Variants in WDFY3 observed in about 807,000 individuals in gnomAD.
The protein encoded by WDFY3 is WD repeat and FYVE domain-containing protein 3.
A neutral mutation model predicts 409.6 loss-of-function variants in WDFY3; 66 were observed. The observed-to-expected ratio is 0.16, with a 90% CI of 0.13 to 0.20. WDFY3 has a LOEUF of 0.20. Ranked by LOEUF, WDFY3 falls within the 10% of genes least tolerant of loss-of-function variation. The pLI is 1.00. For missense variants in WDFY3, 3,031 were observed against 4,298.1 expected (o/e 0.71, Z 8.24); for synonymous variants, 1,521 against 1,537.1 (o/e 0.99, Z 0.25).
intron 32 of WDFY3, 49 bp downstream of exon 32, chr4:84,765,756 TAAAAC>T (rs2149389461): frequency 6.6e-7 from 1 of 1,515,344 alleles, no homozygotes; most frequent in Non-Finnish European, 9.1e-7. Flanking sequence ...AAATTTAAAA[TAAAAC>T]AAAACACACC....
At chr4:84,694,281 A>T (rs1207740136) in intron 58 of WDFY3, among the ~76,000 whole-genome samples, 1 of 152,212 alleles carries the variant, frequency 6.6e-6, no homozygotes, top group African/African-American at 2.4e-5. Flanking sequence ...CTAAGGAGAG[A>T]GCACTGCGCC....
intron 8 of WDFY3, among the ~76,000 whole-genome samples, chr4:84,830,441 G>A (rs78988725): frequency 1.3e-5 from 2 of 152,082 alleles, no homozygotes; most frequent in Admixed American, 6.5e-5. Flanking sequence ...CTACTTTCAG[G>A]GTAGGCTAGG....
chr4:84,716,553 T>C (rs552380285), intron 49 of WDFY3, among the ~76,000 whole-genome samples: 24 of 151,566 alleles, frequency 1.6e-4, no homozygotes, highest in African/African-American at 5.8e-4. Flanking sequence ...TCCCAGCACT[T>C]TGGGAGGCCA....
intron 3 of WDFY3, among the ~76,000 whole-genome samples, chr4:84,863,185 G>T (rs1250370956): frequency 2.0e-5 from 3 of 152,160 alleles, no homozygotes; most frequent in Non-Finnish European, 4.4e-5. Flanking sequence ...AACAAACATG[G>T]GAGTGCAGGC....
At chr4:84,828,900 G>GT in intron 9 of WDFY3, 104 bp downstream of exon 9, 2 of 1,189,900 alleles carry the variant, frequency 1.7e-6, no homozygotes, top group Non-Finnish European at 2.3e-6. Context: ...TTAAATAAGT[G>GT]TTTCCTTAAT....
rs749745039 is a variant in WDFY3 at position 84,818,654 on chromosome 4, C to T, written c.1694-1069G>A. ...GTGACATCCTTTCATTACCTGAAGG[C>T]CTGTTTAGTTACCTCCTGGTTGTCA... On this transcript the variant is annotated intron_variant, in intron 12 of 67. Transcript: ENST00000295888. Among the ~76,000 whole-genome samples the T allele has an allele frequency of 3.9e-5, 6 of 152,158 alleles. No homozygotes were observed. The East Asian group carries it at 1.2e-3, about 29-fold the overall frequency.
intron 13 of WDFY3, 77 bp downstream of exon 13, chr4:84,817,315 T>C (rs749620008): frequency 2.1e-5 from 32 of 1,552,246 alleles, no homozygotes; most frequent in Non-Finnish European, 2.5e-5. Context: ...TCCCTGTCTC[T>C]AACTTAAATA....
At position 84,672,090 on chromosome 4, in the gene WDFY3, C is replaced by T. The variant is rs1195498885; in HGVS notation, c.*778G>A. The T allele has an allele frequency of 3.9e-5, 6 of 152,306 alleles. No individual in the cohort carries two copies. The highest frequency in any genetic ancestry group is 1.9e-4 in the East Asian group (1 of 5,192). 9.4% of individuals were successfully genotyped at this position (152,306 alleles called of 1,614,324 possible). A position where few individuals can be genotyped will look rare whatever the true frequency, so the allele number is the denominator to read the frequency against. Reference sequence around the variant, plus strand: ...ATGTAGGAACAACACTGAGGTGGTGCGTAGCCAGGTACAAGACGCCCAAAT... The same window carrying T: ...ATGTAGGAACAACACTGAGGTGGTGTGTAGCCAGGTACAAGACGCCCAAAT... On this transcript the variant is annotated 3_prime_UTR_variant, in exon 68 of 68. Transcript: ENST00000295888.
intron 4 of WDFY3, among the ~76,000 whole-genome samples, chr4:84,857,279 T>C (rs1019404435): frequency 6.6e-6 from 1 of 152,164 alleles, no homozygotes; most frequent in African/African-American, 2.4e-5. Context: ...AGAGAATAAT[T>C]ACTAAAGCAT....
chr4:84,856,901 C>A (rs1304703287), intron 4 of WDFY3, among the ~76,000 whole-genome samples: 2 of 151,948 alleles, frequency 1.3e-5, no homozygotes, highest in African/African-American at 4.8e-5. Context: ...CACTAGTGGA[C>A]AATGTTCAAG....
At chr4:84,797,377 C>T (rs1221073896) in intron 18 of WDFY3, among the ~76,000 whole-genome samples, 26 of 152,030 alleles carry the variant, frequency 1.7e-4, no homozygotes, top group Non-Finnish European at 1.5e-5. Flanking sequence ...TCTCCAGGGA[C>T]ACATTACAAA....
intron 1 of WDFY3, among the ~76,000 whole-genome samples, chr4:84,942,557 T>C (rs755599190): frequency 2.6e-5 from 4 of 152,202 alleles, no homozygotes; most frequent in Non-Finnish European, 5.9e-5. Context: ...TAGATCCTAA[T>C]GAATATGTTT....
intron 2 of WDFY3, among the ~76,000 whole-genome samples, chr4:84,914,536 C>T (rs1428535441): frequency 2.6e-5 from 4 of 152,128 alleles, no homozygotes; most frequent in Admixed American, 2.6e-4. Context: ...TCCCTAAGCC[C>T]TGAGTTGCTC....
In WDFY3 at chr4:84,718,458, G is replaced by C; in HGVS notation, c.7718C>G (p.Thr2573Ser). The C allele has an allele frequency of 6.2e-7, 1 of 1,613,496 alleles. No individual in the cohort carries two copies. The highest frequency in any genetic ancestry group is 8.5e-7 in the Non-Finnish European group (1 of 1,179,716). ...YVIDGFTMTATREIRDIETLP... is the reference protein window; with the variant it reads ...YVIDGFTMTASREIRDIETLP... Reference sequence around the variant, plus strand: ...GGTTTCAATATCTCTTATTTCCCTGGTTGCTGTCATGGTAAATCCATCAAT... The same window carrying C: ...GGTTTCAATATCTCTTATTTCCCTGCTTGCTGTCATGGTAAATCCATCAAT... Residue 2573 changes from threonine to serine, a missense_variant, in exon 48 of 68, where the codon ACC (threonine) becomes AGC (serine). Physicochemically the swap from Thr to Ser is moderately conservative, Grantham distance 58. Coordinates refer to ENST00000295888, the MANE Select transcript of WDFY3 (RefSeq NM_014991.6).
Position 84,946,776 on chromosome 4 carries a change from T to G in WDFY3, c.-225-14413A>C, listed in dbSNP as rs188527723. ...CCTGGCTCTAGTACAGACAGACACC[T>G]GATCTGAACGAGGTTAATTTAATCC... is the stretch of plus-strand genomic sequence containing the variant. On this transcript the variant is annotated intron_variant, in intron 1 of 67. Coordinates refer to ENST00000295888, the MANE Select transcript of WDFY3 (RefSeq NM_014991.6). 7.2e-4 allele frequency among the ~76,000 whole-genome samples: 110 copies of G among 152,182 alleles called. No homozygotes were observed. The Middle Eastern group carries it at 0.027, about 38-fold the overall frequency.
chr4:84,699,270 T>TTAC (rs1730682532), intron 56 of WDFY3, among the ~76,000 whole-genome samples: 1 of 152,218 alleles, frequency 6.6e-6, no homozygotes, highest in Non-Finnish European at 1.5e-5. Flanking sequence ...CTCTGTGGAC[T>TTAC]TACCTATTCT....
chr4:84,688,357 G>A (rs1212446155), intron 61 of WDFY3, 92 bp from the exon 62 acceptor site: 1 of 1,287,514 alleles, frequency 7.8e-7, no homozygotes, highest in Non-Finnish European at 1.1e-6. Context: ...TCAGGAAGCA[G>A]TGGCACGCAT....
At position 84,849,951 on chromosome 4, in the gene WDFY3, T is replaced by C. The variant is rs1056939487; in HGVS notation, c.255A>G (p.Ser85=). 2 of 1,611,014 alleles carry C rather than the reference T, an allele frequency of 1.2e-6. No homozygotes were observed. The highest frequency in any genetic ancestry group is 1.7e-6 in the Non-Finnish European group (2 of 1,178,792). ...SDLLQFTTQV[S]RLMVTEIRRR... is the part of the protein sequence containing the mutation. Reference sequence around the variant, plus strand: ...TTCGAATTTCTGTCACCATTAGTCGTGAGACTTGTGTTGTGAACTGCAGAA... The same window carrying C: ...TTCGAATTTCTGTCACCATTAGTCGCGAGACTTGTGTTGTGAACTGCAGAA... The change falls in exon 5 of 68, where the codon TCA becomes TCG. Residue 85 remains serine (S), a synonymous_variant. Transcript: ENST00000295888.
At chr4:84,890,681 A>G (rs1374088254) in intron 3 of WDFY3, among the ~76,000 whole-genome samples, 2 of 152,246 alleles carry the variant, frequency 1.3e-5, no homozygotes, top group East Asian at 1.9e-4. Flanking sequence ...AGGGTCAGAT[A>G]GCAAATATTT....
Sources: allele counts gnomAD v4.1 joint callset (sites outside exome capture counted in the v4.1 genomes callset), GRCh38; gene constraint gnomAD v4.1.1; transcripts MANE v1.5; gene names NCBI Gene and HGNC (gene_info 2026-07-23, HGNC 2026-07-21).